Variants in ZMIZ1 observed in about 807,000 individuals in gnomAD.
The protein encoded by ZMIZ1 is zinc finger MIZ domain-containing protein 1.
ZMIZ1 carries 17 observed loss-of-function variants against 113.9 expected under a neutral mutation model. The ratio of observed to expected loss-of-function variants is 0.15; its 90% CI spans 0.10 to 0.22. The LOEUF is 0.22. ZMIZ1 is among the 10% of genes least tolerant of loss of function. The pLI is 1.00. For missense variants in ZMIZ1, 1,059 were observed against 1,477.8 expected, an observed-to-expected ratio of 0.72 and a Z score of 4.65; for synonymous variants, 607 against 603.1, an observed-to-expected ratio of 1.01 and a Z score of -0.09.
chr10:79,199,726 G>A (rs1358468871), intron 4 of ZMIZ1, among the ~76,000 whole-genome samples: 3 of 152,220 alleles, frequency 2.0e-5, no homozygotes, highest in Non-Finnish European at 2.9e-5. Context: ...GGCACCAGGG[G>A]ACTGGGGACG....
chr10:79,243,351 C>CGGG (rs1448889890), intron 7 of ZMIZ1, among the ~76,000 whole-genome samples: 1 of 149,594 alleles, frequency 6.7e-6, no homozygotes. Flanking sequence ...GCCTCCTCGG[C>CGGG]GGCGGCGGCG....
intron 4 of ZMIZ1, among the ~76,000 whole-genome samples, chr10:79,172,338 G>C (rs928157981): frequency 1.3e-5 from 2 of 152,160 alleles, no homozygotes; most frequent in Non-Finnish European, 2.9e-5. Context: ...CCTCCCTAGA[G>C]CTTCTAGGAC....
At position 79,256,524 on chromosome 10, in the gene ZMIZ1, G is replaced by A. The variant is rs180964234; in HGVS notation, c.281-20657G>A. On this transcript the variant is annotated intron_variant, in intron 7 of 24. Coordinates refer to ENST00000334512, the MANE Select transcript of ZMIZ1 (RefSeq NM_020338.4). The stretch of plus-strand genomic sequence containing the variant: ...CAGTCCAAGCCAGGTGGGCTAGGGC[G>A]GCCACTCCAGGGAGGGAGCCTGCCG... Among the ~76,000 whole-genome samples the A allele has an allele frequency of 5.2e-3, 786 of 152,314 alleles. 3 individuals carry two copies. The highest frequency in any genetic ancestry group is 8.9e-3 in the Non-Finnish European group (604 of 68,026).
At chr10:79,250,392 G>C (rs1850474928) in intron 7 of ZMIZ1, among the ~76,000 whole-genome samples, 1 of 152,250 alleles carries the variant, frequency 6.6e-6, no homozygotes, top group South Asian at 2.1e-4. Context: ...GAGAGCCTGA[G>C]AAGGTCAGGG....
intron 1 of ZMIZ1, among the ~76,000 whole-genome samples, chr10:79,103,107 G>A (rs922358783): frequency 4.6e-5 from 7 of 152,164 alleles, no homozygotes; most frequent in South Asian, 2.1e-4. Flanking sequence ...AGGGCAGTCT[G>A]GGAGGACCCC....
intron 1 of ZMIZ1, among the ~76,000 whole-genome samples, chr10:79,112,921 C>T (rs192277231): frequency 4.1e-4 from 63 of 152,334 alleles, no homozygotes; most frequent in Non-Finnish European, 7.1e-4. Context: ...CTTTCTCTGG[C>T]GAGGGTGCTA....
At chr10:79,146,147 C>A (rs925371766) in intron 3 of ZMIZ1, among the ~76,000 whole-genome samples, 7 of 152,130 alleles carry the variant, frequency 4.6e-5, no homozygotes, top group Non-Finnish European at 1.0e-4. Context: ...GCTGCAGACC[C>A]CCATAGAGCT....
chr10:79,236,398 C>A (rs1261245077), intron 7 of ZMIZ1, among the ~76,000 whole-genome samples: 2 of 152,226 alleles, frequency 1.3e-5, no homozygotes, highest in Non-Finnish European at 2.9e-5. Context: ...CTGCAGAGAG[C>A]TTATGTCAGT....
chr10:79,119,570 T>A (rs1844196079), intron 2 of ZMIZ1, among the ~76,000 whole-genome samples: 1 of 152,190 alleles, frequency 6.6e-6, no homozygotes, highest in Admixed American at 6.5e-5. Context: ...GTGGCTCCAG[T>A]GCGCCAGCCA....
At chr10:79,201,906 T>C (rs113948943) in intron 5 of ZMIZ1, among the ~76,000 whole-genome samples, 2,010 of 151,894 alleles carry the variant, frequency 0.013, 54 homozygotes, top group African/African-American at 0.046. Context: ...TTCCACACCC[T>C]TCCCAGCTGT....
At chr10:79,194,189 C>T (rs1407096466) in intron 4 of ZMIZ1, among the ~76,000 whole-genome samples, 3 of 152,246 alleles carry the variant, frequency 2.0e-5, no homozygotes, top group African/African-American at 7.2e-5. Flanking sequence ...GCTCACACAG[C>T]TCCCCGGGGA....
Position 79,253,653 on chromosome 10 carries a change from G to C in ZMIZ1, c.281-23528G>C, listed in dbSNP as rs1477016220. ...TCTACCTTCCAAGTCCGAGGCTTCAGTGTCCACCAGGGCACTGGCAAGGTC... is the reference window on the plus strand; with the variant it reads ...TCTACCTTCCAAGTCCGAGGCTTCACTGTCCACCAGGGCACTGGCAAGGTC... On this transcript the variant is annotated intron_variant, in intron 7 of 24. Coordinates refer to ENST00000334512, the MANE Select transcript of ZMIZ1 (RefSeq NM_020338.4). 2.0e-5 allele frequency among the ~76,000 whole-genome samples: 3 copies of C among 152,332 alleles called. No homozygotes were observed. In the South Asian group the frequency reaches 6.2e-4, roughly 32 times the overall value.
chr10:79,082,595 G>A (rs1842693274), intron 1 of ZMIZ1, among the ~76,000 whole-genome samples: 1 of 152,238 alleles, frequency 6.6e-6, no homozygotes, highest in Admixed American at 6.5e-5. Context: ...AAGGAATCCA[G>A]CTGCAGAGCT....
intron 4 of ZMIZ1, among the ~76,000 whole-genome samples, chr10:79,165,845 C>A (rs762625408): frequency 6.7e-6 from 1 of 149,820 alleles, no homozygotes; most frequent in East Asian, 2.0e-4. Flanking sequence ...TCCCCCTAGG[C>A]GGGCCTGGTC....
At chr10:79,174,298 A>G (rs1846728315) in intron 4 of ZMIZ1, among the ~76,000 whole-genome samples, 1 of 152,226 alleles carries the variant, frequency 6.6e-6, no homozygotes, top group South Asian at 2.1e-4. Context: ...TGGGAGGGGC[A>G]GGGAAGGGCC....
intron 1 of ZMIZ1, among the ~76,000 whole-genome samples, chr10:79,097,487 T>C (rs990805239): frequency 6.6e-6 from 1 of 152,222 alleles, no homozygotes; most frequent in Non-Finnish European, 1.5e-5. Flanking sequence ...TTATTTACTT[T>C]GGGCCTTGCT....
intron 7 of ZMIZ1, among the ~76,000 whole-genome samples, chr10:79,268,704 G>T (rs957758728): frequency 6.6e-6 from 1 of 152,174 alleles, no homozygotes; most frequent in African/African-American, 2.4e-5. Flanking sequence ...CCCAAGATTC[G>T]TGTCTGCATC....
At chr10:79,290,033 C>T (rs1364460528) in intron 9 of ZMIZ1, 144 bp downstream of exon 9, 6 of 804,122 alleles carry the variant, frequency 7.5e-6, no homozygotes, top group Non-Finnish European at 1.2e-5. Flanking sequence ...GCTGTGGACA[C>T]GTCTCCACCC....
At chr10:79,217,288 G>A (rs1333371346) in intron 7 of ZMIZ1, among the ~76,000 whole-genome samples, 1 of 152,200 alleles carries the variant, frequency 6.6e-6, no homozygotes, top group Non-Finnish European at 1.5e-5. Flanking sequence ...AGCCGGGTGT[G>A]GTGGCGGGCG....
Sources: allele counts gnomAD v4.1 joint callset (sites outside exome capture counted in the v4.1 genomes callset), GRCh38; gene constraint gnomAD v4.1.1; transcripts MANE v1.5; gene names NCBI Gene and HGNC (gene_info 2026-07-23, HGNC 2026-07-21).